Variants in ANKRD13C observed in about 807,000 individuals in gnomAD.
ANKRD13C encodes the protein ankyrin repeat domain 13C.
ANKRD13C carries 16 observed loss-of-function variants against 65.5 expected under a neutral mutation model. That is an observed-to-expected ratio of 0.24 (90% CI 0.17 to 0.37). The LOEUF (loss-of-function observed/expected upper bound fraction) is 0.37. Among genes scored for constraint, ANKRD13C ranks in the 10% least tolerant of loss-of-function variants. ANKRD13C has a pLI of 1.00. For missense variants in ANKRD13C, 503 were observed against 655.9 expected (o/e 0.77, Z 2.55); for synonymous variants, 235 against 238.7 (o/e 0.98, Z 0.14).
At chr1:70,307,880 C>T (rs1009432508) in intron 5 of ANKRD13C, among the ~76,000 whole-genome samples, 3 of 151,954 alleles carry the variant, frequency 2.0e-5, no homozygotes, top group African/African-American at 2.4e-5. Context: ...GGCCAGGAGT[C>T]GAAGGCTGAA....
chr1:70,344,206 G>A (rs1172208060), intron 1 of ANKRD13C, among the ~76,000 whole-genome samples: 1 of 150,230 alleles, frequency 6.7e-6, no homozygotes, highest in East Asian at 2.0e-4. Context: ...GCTGAGACAC[G>A]AGAATTGCTT....
Position 70,259,006 on chromosome 1 carries a change from G to A in ANKRD13C, c.*3711C>T, listed in dbSNP as rs1419811373. Among the ~76,000 whole-genome samples the A allele has an allele frequency of 2.6e-5, 4 of 152,064 alleles. No individual in the cohort carries two copies. The South Asian group carries it at 6.2e-4, about 24-fold the overall frequency. On this transcript the variant is annotated 3_prime_UTR_variant, in exon 13 of 13. Coordinates refer to ENST00000370944, the MANE Select transcript of ANKRD13C (RefSeq NM_030816.5). ...ATATGCTGAACCAGCTTGTGGTCTC[G>A]GAGCAATAGGCTTTATTGTATAGTC...
rs1409367490 is a variant in ANKRD13C, at chr1:70,354,331, C to T, written c.78G>A (p.Gly26=). 12 of 1,614,094 alleles carry T rather than the reference C, an allele frequency of 7.4e-6. No individual in the cohort carries two copies. Among genetic ancestry groups the T allele is most frequent in the Non-Finnish European group, 7.6e-6 (9 of 1,180,018 alleles). Residue 26 remains glycine, a synonymous_variant, in exon 1 of 13, where the codon GGG becomes GGA. Coordinates refer to ENST00000370944, the MANE Select transcript of ANKRD13C (RefSeq NM_030816.5). ...CGAGGGCAGCCGCCGCTTCCTCATC[C>T]CCGGGCTCCAGCAGGTCCCCTTCTT... ...SKEEGDLLEP[G]DEEAAAALGG...
chr1:70,269,429 C>A (rs1678780568), intron 12 of ANKRD13C, among the ~76,000 whole-genome samples: 1 of 152,104 alleles, frequency 6.6e-6, no homozygotes. Context: ...TGTTTAACTC[C>A]TGTTCTCTAT....
At chr1:70,274,944 T>C in intron 10 of ANKRD13C, 126 bp from the exon 11 acceptor site, 1 of 614,696 alleles carries the variant, frequency 1.6e-6, no homozygotes, top group Non-Finnish European at 2.9e-6. Context: ...TCTACAGAAA[T>C]AAAGTTATGC....
intron 1 of ANKRD13C, among the ~76,000 whole-genome samples, chr1:70,342,894 T>A (rs1682377371): frequency 6.6e-6 from 1 of 152,214 alleles, no homozygotes; most frequent in African/African-American, 2.4e-5. Flanking sequence ...TTATATCTAT[T>A]CAACAAATTT....
intron 2 of ANKRD13C, among the ~76,000 whole-genome samples, chr1:70,327,155 C>A (rs979448508): frequency 6.6e-6 from 1 of 152,094 alleles, no homozygotes; most frequent in South Asian, 2.1e-4. Flanking sequence ...TGTTCCTTTA[C>A]AATGGATATA....
chr1:70,286,644 T>C (rs1679633913), intron 9 of ANKRD13C, among the ~76,000 whole-genome samples: 1 of 152,156 alleles, frequency 6.6e-6, no homozygotes, highest in South Asian at 2.1e-4. Flanking sequence ...CTATCTTTAT[T>C]ATCTGATGAC....
intron 3 of ANKRD13C, among the ~76,000 whole-genome samples, chr1:70,318,649 G>A: frequency 6.7e-6 from 1 of 148,952 alleles, no homozygotes; most frequent in Admixed American, 6.7e-5. Context: ...CCATATCCAA[G>A]AGATAATCCA....
chr1:70,345,791 A>C (rs1682503646), intron 1 of ANKRD13C, among the ~76,000 whole-genome samples: 1 of 152,248 alleles, frequency 6.6e-6, no homozygotes, highest in African/African-American at 2.4e-5. Context: ...CACAACAAAT[A>C]ACTGTCACTT....
intron 1 of ANKRD13C, among the ~76,000 whole-genome samples, chr1:70,338,422 G>C (rs1015334119): frequency 2.0e-5 from 3 of 152,164 alleles, no homozygotes; most frequent in Non-Finnish European, 4.4e-5. Context: ...GTGTGTGTGA[G>C]ACAGAGTCTC....
chr1:70,341,109 C>T (rs1682287829), intron 1 of ANKRD13C, among the ~76,000 whole-genome samples: 1 of 152,036 alleles, frequency 6.6e-6, no homozygotes, highest in Admixed American at 6.5e-5. Context: ...GACTCCATCT[C>T]AAAAAACAAC....
intron 9 of ANKRD13C, among the ~76,000 whole-genome samples, chr1:70,289,648 T>G (rs1219686758): frequency 6.6e-6 from 1 of 151,230 alleles, no homozygotes; most frequent in Non-Finnish European, 1.5e-5. Context: ...TTTTTTTTTT[T>G]TGTATTTTTA....
At chr1:70,282,351 G>A (rs1052708501) in intron 9 of ANKRD13C, among the ~76,000 whole-genome samples, 11 of 151,822 alleles carry the variant, frequency 7.2e-5, no homozygotes, top group South Asian at 2.1e-4. Context: ...CACCGCGCCC[G>A]GCAATATAAA....
chr1:70,262,942 G>GAAAAAA, intron 12 of ANKRD13C, 95 bp from the exon 13 acceptor site: 1 of 315,448 alleles, frequency 3.2e-6, no homozygotes, highest in Non-Finnish European at 4.6e-6. Context: ...TCCTTAAAAT[G>GAAAAAA]TAAAAAAAAA....
chr1:70,305,006 C>T (rs529503476), intron 6 of ANKRD13C, among the ~76,000 whole-genome samples: 10 of 151,850 alleles, frequency 6.6e-5, no homozygotes, highest in African/African-American at 1.7e-4. Context: ...CACTGTAATC[C>T]CAGCACTTTG....
At chr1:70,342,771 C>CACA (rs945588509) in intron 1 of ANKRD13C, among the ~76,000 whole-genome samples, 80 of 148,860 alleles carry the variant, frequency 5.4e-4, no homozygotes, top group African/African-American at 2.0e-3. Context: ...CACACACACA[C>CACA]AAAATAACAC....
intron 1 of ANKRD13C, 69 bp downstream of exon 1, chr1:70,353,910 C>A: frequency 6.9e-7 from 1 of 1,440,642 alleles, no homozygotes; most frequent in South Asian, 1.6e-5. Flanking sequence ...CCTAGGATTC[C>A]AGAAGCCTGG....
At chr1:70,346,868 G>A (rs983279504) in intron 1 of ANKRD13C, among the ~76,000 whole-genome samples, 3 of 151,984 alleles carry the variant, frequency 2.0e-5, no homozygotes, top group Admixed American at 6.6e-5. Flanking sequence ...CAGGCGGGTG[G>A]ATCACGAGGT....
Sources: gnomAD v4.1 joint callset for allele counts (sites outside exome capture counted in the v4.1 genomes callset) on GRCh38, gnomAD v4.1.1 for gene constraint, MANE v1.5 for transcripts, NCBI Gene and HGNC (gene_info 2026-07-23, HGNC 2026-07-21) for gene names.